Variants in TPRG1 observed in about 807,000 individuals in gnomAD.
TPRG1 encodes the protein tumor protein p63 regulated 1.
In TPRG1, 29 loss-of-function variants were observed where a neutral mutation model predicts 29.3. The observed-to-expected ratio is 0.99, with a 90% confidence interval of 0.74 to 1.35. The LOEUF (loss-of-function observed/expected upper bound fraction) is 1.35, where lower values mean the gene tolerates loss of function less well. Ranked by LOEUF, TPRG1 falls within the 40% of genes most tolerant of loss-of-function variation. TPRG1 has a pLI of 0.00. For synonymous variants in TPRG1, 130 were observed against 116.8 expected (o/e 1.11, Z -0.73); for missense variants, 327 against 335.0 (o/e 0.98, Z 0.19).
rs1405558653 is a variant in TPRG1 at position 189,322,168 on chromosome 3, C to T, written c.*1348C>T. 1 of 152,018 alleles carries T rather than the reference C, an allele frequency of 6.6e-6. No homozygotes were observed. Among genetic ancestry groups the T allele is most frequent in the Non-Finnish European group, 1.5e-5 (1 of 67,976 alleles). The allele number at this position is 152,018 out of a possible 1,614,324, so 9.4% of individuals were successfully genotyped here. A position where few individuals can be genotyped will look rare whatever the true frequency, so the allele number is the denominator to read the frequency against. ...CCTTTCCCAAGACTCAAAATTGACA[C>T]ATCTTTGTTGATGTTTAAGTTGAAA... On this transcript the variant is annotated 3_prime_UTR_variant, in exon 6 of 6. Coordinates refer to ENST00000345063, the MANE Select transcript of TPRG1 (RefSeq NM_198485.4).
intron 4 of TPRG1, among the ~76,000 whole-genome samples, chr3:189,299,705 A>G (rs1720536430): frequency 1.3e-5 from 2 of 151,720 alleles, no homozygotes; most frequent in Admixed American, 6.6e-5. Context: ...CAAAATGGAT[A>G]TCATGGGGGC....
intron 5 of TPRG1, among the ~76,000 whole-genome samples, chr3:189,154,852 AAAAAT>A (rs1034811328): frequency 6.6e-6 from 1 of 152,208 alleles, no homozygotes; most frequent in South Asian, 2.1e-4. Flanking sequence ...ATTAGAAAGA[AAAAAT>A]AAATCAGGAA....
intron 4 of TPRG1, among the ~76,000 whole-genome samples, chr3:189,266,415 C>T (rs1302590911): frequency 6.6e-6 from 1 of 152,098 alleles, no homozygotes; most frequent in Non-Finnish European, 1.5e-5. Flanking sequence ...GTAAGTTCAA[C>T]AGAAAAGGAG....
intron 3 of TPRG1, among the ~76,000 whole-genome samples, chr3:189,133,776 G>T (rs1723386917): frequency 6.6e-6 from 1 of 152,190 alleles, no homozygotes; most frequent in Admixed American, 6.5e-5. Context: ...GACAAGAGAA[G>T]ATCTACAGGA....
chr3:189,088,786 T>A (rs1299462042), intron 4 of TPRG1, among the ~76,000 whole-genome samples: 1 of 152,132 alleles, frequency 6.6e-6, no homozygotes, highest in Non-Finnish European at 1.5e-5. Context: ...GGTTTGCACT[T>A]GAATTAGGAG....
chr3:189,033,705 G>T (rs144033058), intron 4 of TPRG1, among the ~76,000 whole-genome samples: 2 of 151,588 alleles, frequency 1.3e-5, no homozygotes, highest in Admixed American at 6.6e-5. Context: ...TCAGCCTTCC[G>T]AGTAGCTGGG....
At chr3:189,262,601 A>G (rs757256169) in intron 4 of TPRG1, among the ~76,000 whole-genome samples, 2 of 152,216 alleles carry the variant, frequency 1.3e-5, no homozygotes, top group African/African-American at 4.8e-5. Context: ...GTGTAAAATT[A>G]CAAAAGTGGA....
At chr3:189,033,813 T>A (rs1403411876) in intron 4 of TPRG1, among the ~76,000 whole-genome samples, 1 of 151,920 alleles carries the variant, frequency 6.6e-6, no homozygotes, top group African/African-American at 2.4e-5. Context: ...CCTGACCTCG[T>A]GATCCACCTG....
At chr3:189,298,674 G>C (rs1344430081) in intron 4 of TPRG1, among the ~76,000 whole-genome samples, 1 of 152,202 alleles carries the variant, frequency 6.6e-6, no homozygotes, top group Non-Finnish European at 1.5e-5. Flanking sequence ...CAGTTTGAAT[G>C]ATTCATGAGG....
chr3:189,232,328 C>T lies in TPRG1; in HGVS notation c.303-6405C>T, dbSNP rs190008509. Among the ~76,000 whole-genome samples, 3 of 152,300 alleles carry T rather than the reference C, an allele frequency of 2.0e-5. No homozygotes were observed. In the East Asian group the frequency reaches 5.8e-4, roughly 29 times the overall value. On this transcript the variant is annotated intron_variant, in intron 3 of 5. Transcript: ENST00000345063. ...CTTGTGAACATTTCAAAGAATCATT[C>T]GTACTTTGCAACTTGTGCTTTTCCA...
At chr3:189,178,354 C>G (rs1038473981) in intron 1 of TPRG1, among the ~76,000 whole-genome samples, 11 of 152,148 alleles carry the variant, frequency 7.2e-5, no homozygotes. Context: ...CATGGCAAAA[C>G]CCCGTCTCTA....
At chr3:189,005,166 T>C (rs1005634569) in intron 3 of TPRG1, among the ~76,000 whole-genome samples, 2 of 152,102 alleles carry the variant, frequency 1.3e-5, no homozygotes, top group Admixed American at 1.3e-4. Flanking sequence ...TTTAAACCAA[T>C]GCCTTATAGC....
At chr3:189,159,002 C>G (rs1727087889) in intron 5 of TPRG1, among the ~76,000 whole-genome samples, 1 of 149,976 alleles carries the variant, frequency 6.7e-6, no homozygotes, top group Admixed American at 6.6e-5. Flanking sequence ...AGGAATTATT[C>G]TGAAAGCTGT....
intron 1 of TPRG1, among the ~76,000 whole-genome samples, chr3:189,187,999 A>C (rs1731180629): frequency 6.6e-6 from 1 of 152,230 alleles, no homozygotes; most frequent in South Asian, 2.1e-4. Flanking sequence ...AAGTTATAAT[A>C]AGTTGTCTGG....
At chr3:189,300,979 G>A (rs935690848) in intron 4 of TPRG1, among the ~76,000 whole-genome samples, 3 of 152,108 alleles carry the variant, frequency 2.0e-5, no homozygotes, top group African/African-American at 7.2e-5. Context: ...AACAATTTAT[G>A]AAGAACAATG....
At chr3:189,018,861 G>T (rs1363761848) in intron 3 of TPRG1, among the ~76,000 whole-genome samples, 2 of 148,862 alleles carry the variant, frequency 1.3e-5, no homozygotes, top group Non-Finnish European at 3.0e-5. Context: ...TCCTACCCAT[G>T]AGCATGGAAT....
chr3:189,071,068 A>AG (rs1491470789), intron 4 of TPRG1, among the ~76,000 whole-genome samples: 1 of 113,044 alleles, frequency 8.8e-6, no homozygotes, highest in South Asian at 2.4e-4. Context: ...AAAGAAAAAG[A>AG]AAAAAAAAAA....
At chr3:189,122,126 G>T (rs1036540936) in intron 1 of TPRG1, among the ~76,000 whole-genome samples, 1 of 152,058 alleles carries the variant, frequency 6.6e-6, no homozygotes, top group Non-Finnish European at 1.5e-5. Flanking sequence ...TTGTTTAAAT[G>T]ACAATAGTAT....
intron 5 of TPRG1, among the ~76,000 whole-genome samples, chr3:189,163,267 C>A (rs1727724877): frequency 1.3e-5 from 2 of 152,156 alleles, no homozygotes; most frequent in Admixed American, 1.3e-4. Context: ...GAGAGAAACT[C>A]CGTCTCAAAA....
Sources: gnomAD v4.1 joint callset for allele counts (sites outside exome capture counted in the v4.1 genomes callset) on GRCh38, gnomAD v4.1.1 for gene constraint, MANE v1.5 for transcripts, NCBI Gene and HGNC (gene_info 2026-07-23, HGNC 2026-07-21) for gene names.